SPTA1: variants seen among roughly 807,000 people sequenced by gnomAD.
SPTA1 encodes spectrin alpha, erythrocytic 1.
SPTA1 carries 177 observed loss-of-function variants against 324.7 expected under a neutral mutation model. That is an observed-to-expected ratio of 0.55 (90% confidence interval 0.48 to 0.62). The LOEUF is 0.62. SPTA1 is among the 20% of genes least tolerant of loss of function. The pLI is 0.00. For synonymous variants in SPTA1, 1,195 were observed against 1,041.3 expected (o/e 1.15, Z -2.84); for missense variants, 3,162 against 2,883.6 (o/e 1.10, Z -2.21).
At chr1:158,634,804 C>T (rs1650943043) in intron 38 of SPTA1, 129 bp from the exon 39 acceptor site, 3 of 1,060,400 alleles carry the variant, frequency 2.8e-6, no homozygotes, top group Non-Finnish European at 4.2e-6. Flanking sequence ...TTGAAGTGGG[C>T]CTCAACACAG....
At chr1:158,643,689 G>T (rs1418822456) in intron 30 of SPTA1, among the ~76,000 whole-genome samples, 6 of 152,144 alleles carry the variant, frequency 3.9e-5, no homozygotes, top group Non-Finnish European at 5.9e-5. Context: ...CCTTTATTGA[G>T]TGAGATGATG....
chr1:158,636,558 G>T, intron 37 of SPTA1, 83 bp downstream of exon 37: 1 of 1,508,890 alleles, frequency 6.6e-7, no homozygotes, highest in Non-Finnish European at 9.2e-7. Flanking sequence ...TTCACGTTTT[G>T]TAGCACCCTC....
Position 158,626,886 on chromosome 1 carries a change from G to T in SPTA1, c.5786C>A (p.Ala1929Asp), listed in dbSNP as rs199547344. The change falls in exon 41 of 52, where the codon GCC becomes GAC. Residue 1929 changes from alanine to aspartate, a missense_variant. Transcript: ENST00000643759. The stretch of plus-strand genomic sequence containing the variant: ...AGCCTTCCAGTTGAATTCCTGAAAG[G>T]CATAATCGTCTTCCAATTGCAACTT... Reference protein sequence around the residue: ...AWKLQLEDDYAFQEFNWKADV... With the variant: ...AWKLQLEDDYDFQEFNWKADV... 6.8e-6 allele frequency: 11 copies of T among 1,613,836 alleles called. No homozygotes were observed. The highest frequency in any genetic ancestry group is 2.7e-5 in the African/African-American group (2 of 75,012).
At position 158,627,638 on chromosome 1, in the gene SPTA1, T is replaced by C. The variant is rs1193779339; in HGVS notation, c.5651A>G (p.Asp1884Gly). 6.2e-7 allele frequency: 1 copy of C among 1,613,568 alleles called. No homozygotes were observed. Among genetic ancestry groups the C allele is most frequent in the Non-Finnish European group, 8.5e-7 (1 of 1,179,726 alleles). Residue 1884 changes from aspartate (D) to glycine (G), a missense_variant, in exon 40 of 52, where the codon GAC (aspartate) becomes GGC (glycine). Transcript: ENST00000643759. ...RVQNVCAQGEDILNKVLQEES... is the reference protein window; with the variant it reads ...RVQNVCAQGEGILNKVLQEES... ...GAACTAGCTCACCTTATTTAGGATG[T>C]CTTCTCCTTGTGCACACACATTTTG...
chr1:158,634,554 C>G lies in SPTA1; in HGVS notation c.5554G>C (p.Ala1852Pro). Residue 1852 changes from alanine to proline, a missense_variant, in exon 39 of 52, where the codon GCT (alanine) becomes CCT (proline). Physicochemically the swap from Ala to Pro is conservative, Grantham distance 27. Transcript: ENST00000643759. The stretch of plus-strand genomic sequence containing the variant: ...TTCCTGTTCCTCACCTGAGTAGCAG[C>G]TAATGTATCTCCACAATCTCCTCGG... ...AVRGDCGDTL[A>P]ATQSLLMKHE... 6.2e-7 allele frequency: 1 copy of G among 1,614,020 alleles called. No homozygotes were observed. Among genetic ancestry groups the G allele is most frequent in the Non-Finnish European group, 8.5e-7 (1 of 1,180,014 alleles).
intron 8 of SPTA1, 22 bp downstream of exon 8, chr1:158,676,119 A>C: frequency 3.7e-6 from 6 of 1,613,086 alleles, no homozygotes; most frequent in Non-Finnish European, 5.1e-6. Flanking sequence ...AGGTAGAGCA[A>C]TAAAGGGGAG....
rs1167244990 is a variant in SPTA1, at chr1:158,620,028, T to C, written c.6417+142A>G. 3 of 1,168,416 alleles carry C rather than the reference T, an allele frequency of 2.6e-6. No homozygotes were observed. The African/African-American group carries it at 4.6e-5, about 18-fold the overall frequency. The allele number at this position is 1,168,416 out of a possible 1,614,324, so 72.4% of individuals were successfully genotyped here. A position where few individuals can be genotyped will look rare whatever the true frequency, so the allele number is the denominator to read the frequency against. On this transcript the variant is annotated intron_variant, in intron 44 of 51. Coordinates refer to ENST00000643759, the MANE Select transcript of SPTA1 (RefSeq NM_003126.4). ...TATGATAAACATATTTTCCAGTTTT[T>C]CTTAGACAGTCATGTTTCATGACTT...
intron 8 of SPTA1, among the ~76,000 whole-genome samples, chr1:158,675,292 A>G (rs1432695074): frequency 6.6e-6 from 1 of 152,204 alleles, no homozygotes; most frequent in East Asian, 1.9e-4. Flanking sequence ...TCAGGAAATA[A>G]TACTGAAGTT....
chr1:158,613,691 C>T, intron 50 of SPTA1, 30 bp downstream of exon 50: 1 of 1,613,438 alleles, frequency 6.2e-7, no homozygotes, highest in African/African-American at 1.3e-5. Context: ...CCCATCCCTG[C>T]TGCGGTCTGA....
rs755865164 is a variant in SPTA1, at chr1:158,627,017, G to A, written c.5665-10C>T. 1 of 1,613,520 alleles carries A rather than the reference G, an allele frequency of 6.2e-7. No homozygotes were observed. Among genetic ancestry groups the A allele is most frequent in the South Asian group, 1.1e-5 (1 of 91,060 alleles). On this transcript the variant is annotated splice_polypyrimidine_tract_variant and intron_variant, in intron 40 of 51. Coordinates refer to ENST00000643759, the MANE Select transcript of SPTA1 (RefSeq NM_003126.4). ...TTTCCTCCTGCAACACCTGTGAGAA[G>A]GGGAGAGACAAATATATTTATAATG...
chr1:158,647,755 G>C (rs781065001), intron 26 of SPTA1, 35 bp from the exon 27 acceptor site: 7 of 1,611,966 alleles, frequency 4.3e-6, no homozygotes, highest in Non-Finnish European at 4.2e-6. Flanking sequence ...AATCAGCCTA[G>C]AGACACACCT....
At chr1:158,684,028 T>G (rs1249015835) in intron 2 of SPTA1, among the ~76,000 whole-genome samples, 1 of 151,768 alleles carries the variant, frequency 6.6e-6, no homozygotes, top group Non-Finnish European at 1.5e-5. Flanking sequence ...GGTAGGCACT[T>G]TCACCAAATT....
intron 39 of SPTA1, among the ~76,000 whole-genome samples, chr1:158,633,108 C>T (rs947076577): frequency 5.9e-5 from 9 of 152,060 alleles, no homozygotes; most frequent in Non-Finnish European, 1.2e-4. Context: ...TGTATAGCAG[C>T]GTGGAAATGA....
chr1:158,667,611 C>A (rs546334787), intron 15 of SPTA1, among the ~76,000 whole-genome samples: 16 of 152,166 alleles, frequency 1.1e-4, no homozygotes, highest in Non-Finnish European at 2.1e-4. Flanking sequence ...AGCTCACCTG[C>A]CACTGCTAAA....
At chr1:158,626,698 T>A in intron 41 of SPTA1, 141 bp downstream of exon 41, 1 of 1,020,130 alleles carries the variant, frequency 9.8e-7, no homozygotes, top group Non-Finnish European at 1.5e-6. Flanking sequence ...GTGAGTGTAA[T>A]TCTGTCCAGA....
In SPTA1 at chr1:158,674,374, G is replaced by T. The variant is rs1308245347; in HGVS notation, c.1305C>A (p.Asp435Glu). 5 of 1,613,906 alleles carry T rather than the reference G, an allele frequency of 3.1e-6. No homozygotes were observed. The highest frequency in any genetic ancestry group is 1.7e-5 in the Admixed American group (1 of 59,990). ...AGGCTTCATGATTGGCATTCACGAG[G>T]TCTTGACCAGTCTCATCAGCAGATT... The part of the protein sequence containing the change: ...RFQSADETGQ[D>E]LVNANHEASD... The change falls in exon 10 of 52, where the codon GAC becomes GAA. Residue 435 changes from aspartate to glutamate, a missense_variant. By Grantham distance (45) the Asp-to-Glu change is conservative. Transcript: ENST00000643759.
chr1:158,629,424 A>G (rs781388266), intron 39 of SPTA1, among the ~76,000 whole-genome samples: 5 of 151,976 alleles, frequency 3.3e-5, no homozygotes, highest in Non-Finnish European at 5.9e-5. Flanking sequence ...GACACAAAAA[A>G]AGATAGAACT....
chr1:158,611,501 G>C, intron 51 of SPTA1, 112 bp from the exon 52 acceptor site: 2 of 1,256,296 alleles, frequency 1.6e-6, no homozygotes, highest in South Asian at 1.3e-5. Context: ...TCTGGAAGAC[G>C]CAAGCCCTAT....
At chr1:158,661,937 C>T (rs987481259) in intron 17 of SPTA1, among the ~76,000 whole-genome samples, 4 of 152,212 alleles carry the variant, frequency 2.6e-5, no homozygotes, top group African/African-American at 7.2e-5. Context: ...AAATACTTCT[C>T]ACTGTGAATT....
Sources: gnomAD v4.1 joint callset for allele counts (sites outside exome capture counted in the v4.1 genomes callset) on GRCh38, gnomAD v4.1.1 for gene constraint, MANE v1.5 for transcripts, NCBI Gene and HGNC (gene_info 2026-07-23, HGNC 2026-07-21) for gene names.